Variants in LOXHD1 observed in about 807,000 individuals in gnomAD.
LOXHD1 encodes the protein lipoxygenase homology domain-containing protein 1.
In LOXHD1, 205 loss-of-function variants were observed where a neutral mutation model predicts 248.2. That is an observed-to-expected ratio of 0.83 (90% CI 0.74 to 0.93). The LOEUF (loss-of-function observed/expected upper bound fraction) is 0.93. Ranked by LOEUF, LOXHD1 falls within the 40% of genes least tolerant of loss-of-function variation. LOXHD1 has a pLI of 0.00. For missense variants in LOXHD1, 2,930 were observed against 2,971.6 expected (o/e 0.99, Z 0.33); for synonymous variants, 1,113 against 1,162.8 (o/e 0.96, Z 0.87).
intron 28 of LOXHD1, among the ~76,000 whole-genome samples, chr18:46,531,763 T>G (rs933794045): frequency 5.9e-5 from 9 of 152,180 alleles, no homozygotes; most frequent in Non-Finnish European, 1.3e-4. Flanking sequence ...CAGAGTGAGT[T>G]TTGTGGTGTG....
At chr18:46,607,651 A>T (rs953334031) in intron 6 of LOXHD1, among the ~76,000 whole-genome samples, 4 of 152,034 alleles carry the variant, frequency 2.6e-5, no homozygotes, top group Non-Finnish European at 5.9e-5. Flanking sequence ...AAGAAAAAAT[A>T]ATTAAAAGAA....
chr18:46,572,256 G>C (rs2037767295), intron 14 of LOXHD1, 94 bp from the exon 15 acceptor site: 1 of 1,100,882 alleles, frequency 9.1e-7, no homozygotes, highest in Non-Finnish European at 1.4e-6. Context: ...TGGAGGCCCA[G>C]AGCTTTGACT....
At chr18:46,602,919 G>C (rs1169517794) in intron 7 of LOXHD1, among the ~76,000 whole-genome samples, 2 of 152,232 alleles carry the variant, frequency 1.3e-5, no homozygotes, top group African/African-American at 4.8e-5. Context: ...CTACCACTAG[G>C]AGACATATAA....
chr18:46,560,048 T>TGCCGCCCC, intron 19 of LOXHD1, 35 bp downstream of exon 19: 2 of 1,226,296 alleles, frequency 1.6e-6, no homozygotes, highest in Non-Finnish European at 2.3e-6. Context: ...GTCTGGCCAC[T>TGCCGCCCC]CCCTCCCCAC....
intron 4 of LOXHD1, among the ~76,000 whole-genome samples, chr18:46,638,217 T>C (rs1027312664): frequency 2.0e-5 from 3 of 152,246 alleles, no homozygotes; most frequent in African/African-American, 7.2e-5. Flanking sequence ...TCACCAGTGT[T>C]GTTTTTTCAA....
chr18:46,559,167 T>A, intron 20 of LOXHD1: 1 of 1,417,248 alleles, frequency 7.1e-7, no homozygotes, highest in Non-Finnish European at 9.3e-7. Context: ...CCCGCATCCC[T>A]ACCAAGTGCC....
rs998683184 is a variant in LOXHD1 at position 46,642,019 on chromosome 18, T to C, written c.263A>G (p.Glu88Gly). The C allele has an allele frequency of 6.4e-7, 1 of 1,552,164 alleles. No individual in the cohort carries two copies. Among genetic ancestry groups the C allele is most frequent in the Admixed American group, 2.0e-5 (1 of 50,994 alleles). Residue 88 changes from glutamate (E) to glycine (G), a missense_variant, in exon 3 of 41, where the codon GAG becomes GGG. Coordinates refer to ENST00000642948, the MANE Select transcript of LOXHD1 (RefSeq NM_001384474.1). ...QLTSKSKSAF[E>G]KGNVDVFRVR... ...CCGGAACACATCGACGTTGCCCTTC[T>C]CAAAGGCAGACTTGCTCCTGCAATG...
At chr18:46,501,236 G>A (rs761072284) in intron 37 of LOXHD1, among the ~76,000 whole-genome samples, 2 of 152,186 alleles carry the variant, frequency 1.3e-5, no homozygotes, top group African/African-American at 4.8e-5. Flanking sequence ...ATGCAGAGTG[G>A]CAAAAAATTT....
rs540147524 is a variant in LOXHD1, at chr18:46,505,282, G to A, written c.5878+556C>T. On this transcript the variant is annotated intron_variant, in intron 37 of 40. Coordinates refer to ENST00000642948, the MANE Select transcript of LOXHD1 (RefSeq NM_001384474.1). ...CTGCAGCCATGACCTCCTGGGCTCA[G>A]GCAATCCTCCCATCTCAGCCTCCAA... 3.3e-3 allele frequency among the ~76,000 whole-genome samples: 507 copies of A among 151,938 alleles called. 2 individuals are homozygous for A. The highest frequency in any genetic ancestry group is 0.012 in the African/African-American group (485 of 41,412).
intron 28 of LOXHD1, among the ~76,000 whole-genome samples, chr18:46,530,807 G>A (rs73953861): frequency 2.9e-4 from 44 of 152,148 alleles, no homozygotes; most frequent in African/African-American, 9.4e-4. Context: ...TGTGTGGCTG[G>A]ACACTCCTTC....
intron 40 of LOXHD1, among the ~76,000 whole-genome samples, chr18:46,479,778 A>C (rs199844431): frequency 1.2e-4 from 17 of 140,970 alleles, no homozygotes; most frequent in South Asian, 6.8e-4. Flanking sequence ...AAAAAAAAAC[A>C]AAAAAAAAAA....
chr18:46,581,534 T>C (rs1271358415), intron 12 of LOXHD1, among the ~76,000 whole-genome samples: 1 of 152,170 alleles, frequency 6.6e-6, no homozygotes, highest in African/African-American at 2.4e-5. Flanking sequence ...ATTGGTGATA[T>C]GACTTTGGTC....
At chr18:46,526,662 C>T (rs1334268982) in intron 29 of LOXHD1, among the ~76,000 whole-genome samples, 1 of 152,134 alleles carries the variant, frequency 6.6e-6, no homozygotes, top group African/African-American at 2.4e-5. Context: ...GATCTGGGAC[C>T]CATGGGGAGC....
At chr18:46,567,860 C>T (rs2045487089) in intron 16 of LOXHD1, among the ~76,000 whole-genome samples, 1 of 152,182 alleles carries the variant, frequency 6.6e-6, no homozygotes, top group South Asian at 2.1e-4. Flanking sequence ...CTCCCAGCCT[C>T]TTGGCCATGC....
intron 4 of LOXHD1, among the ~76,000 whole-genome samples, chr18:46,623,822 A>T (rs1432680298): frequency 6.6e-6 from 1 of 152,206 alleles, no homozygotes; most frequent in Non-Finnish European, 1.5e-5. Flanking sequence ...ACATCTCCAG[A>T]GAGCCACCCC....
intron 4 of LOXHD1, among the ~76,000 whole-genome samples, chr18:46,631,340 A>C (rs1782078671): frequency 6.6e-6 from 1 of 152,144 alleles, no homozygotes; most frequent in African/African-American, 2.4e-5. Flanking sequence ...TTGGTGGCTC[A>C]TCTTGGTGGT....
chr18:46,516,219 C>T (rs1187759155), intron 34 of LOXHD1, among the ~76,000 whole-genome samples: 1 of 152,180 alleles, frequency 6.6e-6, no homozygotes, highest in Non-Finnish European at 1.5e-5. Context: ...GTGTCTCAGG[C>T]ATCTTACTGG....
intron 27 of LOXHD1, 41 bp downstream of exon 27, chr18:46,534,294 G>T (rs2036208593): frequency 1.4e-6 from 2 of 1,441,684 alleles, no homozygotes; most frequent in South Asian, 1.2e-5. Flanking sequence ...GCTCTGGAAA[G>T]GGACAAAAGA....
intron 4 of LOXHD1, among the ~76,000 whole-genome samples, chr18:46,624,578 G>C (rs2038714381): frequency 6.6e-6 from 1 of 152,248 alleles, no homozygotes; most frequent in Admixed American, 6.5e-5. Flanking sequence ...CGTCAGGCCT[G>C]GACACCCATT....
Sources: allele counts gnomAD v4.1 joint callset (sites outside exome capture counted in the v4.1 genomes callset), GRCh38; gene constraint gnomAD v4.1.1; transcripts MANE v1.5; gene names NCBI Gene and HGNC (gene_info 2026-07-23, HGNC 2026-07-21).